The following PTN variants were observed in gnomAD, a reference collection of about 807,000 sequenced individuals.
PTN encodes heparin affin regulatory protein.
Under a neutral mutation model 24.1 loss-of-function variants are expected in PTN, and 18 were observed. The observed-to-expected ratio is 0.75, with a 90% CI of 0.52 to 1.11. PTN has a LOEUF of 1.11. PTN is among the 50% of genes least tolerant of loss of function. The probability of loss-of-function intolerance (pLI) is 0.00; values close to 1 mark genes in which losing one functional copy is unlikely to be tolerated. For synonymous variants in PTN, 78 were observed against 68.6 expected (o/e 1.14, Z -0.67); for missense variants, 163 against 198.8 (o/e 0.82, Z 1.08).
At chr7:137,248,042 G>C (rs1379582088) in intron 4 of PTN, among the ~76,000 whole-genome samples, 1 of 152,054 alleles carries the variant, frequency 6.6e-6, no homozygotes, top group Admixed American at 6.6e-5. Flanking sequence ...GGATATATGG[G>C]ACTTTATAAG....
intron 1 of PTN, among the ~76,000 whole-genome samples, chr7:137,261,158 T>C (rs558118651): frequency 5.3e-5 from 8 of 152,280 alleles, no homozygotes; most frequent in African/African-American, 1.7e-4. Flanking sequence ...TCTTTTTATC[T>C]TTATTGAAGC....
intron 1 of PTN, among the ~76,000 whole-genome samples, chr7:137,300,715 C>G (rs1322179085): frequency 6.6e-6 from 1 of 151,922 alleles, no homozygotes; most frequent in African/African-American, 2.4e-5. Flanking sequence ...CACACTCCCC[C>G]AGTAACAACA....
At chr7:137,341,851 T>G (rs1320654757) in intron 1 of PTN, among the ~76,000 whole-genome samples, 1 of 151,862 alleles carries the variant, frequency 6.6e-6, no homozygotes, top group Non-Finnish European at 1.5e-5. Context: ...GGCATTAGAG[T>G]TTTTTTTAAA....
chr7:137,290,647 T>G (rs1809625183), intron 1 of PTN, among the ~76,000 whole-genome samples: 2 of 152,132 alleles, frequency 1.3e-5, no homozygotes, highest in Non-Finnish European at 2.9e-5. Context: ...TTATCTCTTC[T>G]TATAGTGCAA....
chr7:137,235,072 C>T (rs1563194112), intron 4 of PTN, among the ~76,000 whole-genome samples: 1 of 151,988 alleles, frequency 6.6e-6, no homozygotes, highest in Non-Finnish European at 1.5e-5. Context: ...TGGAGGCATA[C>T]CATCAAGACC....
chr7:137,246,640 A>G (rs890399613), intron 4 of PTN, among the ~76,000 whole-genome samples: 9 of 152,210 alleles, frequency 5.9e-5, no homozygotes, highest in Non-Finnish European at 2.9e-5. Context: ...CGGAATGGAC[A>G]TGCATAAGTC....
At chr7:137,297,376 G>A (rs1410754732) in intron 1 of PTN, among the ~76,000 whole-genome samples, 1 of 152,078 alleles carries the variant, frequency 6.6e-6, no homozygotes, top group Non-Finnish European at 1.5e-5. Flanking sequence ...CAGCAGCACT[G>A]GAAGATGAGT....
At chr7:137,239,374 T>TTTCA (rs1808580164) in intron 4 of PTN, among the ~76,000 whole-genome samples, 1 of 147,760 alleles carries the variant, frequency 6.8e-6, no homozygotes, top group Non-Finnish European at 1.5e-5. Flanking sequence ...TAATTTTCTT[T>TTTCA]TTTATTTATT....
At chr7:137,336,061 A>G (rs1810443572) in intron 1 of PTN, among the ~76,000 whole-genome samples, 1 of 152,034 alleles carries the variant, frequency 6.6e-6, no homozygotes. Flanking sequence ...TGAGAAAATG[A>G]CAATGACAAT....
chr7:137,284,207 C>T (rs1426236794), intron 1 of PTN, among the ~76,000 whole-genome samples: 2 of 151,624 alleles, frequency 1.3e-5, no homozygotes, highest in African/African-American at 4.8e-5. Flanking sequence ...CCGCCCGCCT[C>T]GGCCTCCCAA....
chr7:137,255,823 G>A (rs572487255), intron 1 of PTN, among the ~76,000 whole-genome samples: 1 of 152,174 alleles, frequency 6.6e-6, no homozygotes, highest in Non-Finnish European at 1.5e-5. Context: ...TTCAGTCCAA[G>A]CTCCAGGACG....
intron 1 of PTN, among the ~76,000 whole-genome samples, chr7:137,280,691 T>TAACAAAAAAAAAAAAAAAAAAAA (rs760779128): frequency 1.1e-3 from 16 of 14,750 alleles, no homozygotes; most frequent in African/African-American, 2.0e-3. Flanking sequence ...CCGTCTCTAC[T>TAACAAAAAAAAAAAAAAAAAAAA]AAAAATACAA....
intron 1 of PTN, among the ~76,000 whole-genome samples, chr7:137,339,607 T>TCAC (rs1810503480): frequency 6.9e-6 from 1 of 144,096 alleles, no homozygotes; most frequent in Non-Finnish European, 1.5e-5. Flanking sequence ...TGCCATTGAA[T>TCAC]CAGTAGAGAG....
intron 1 of PTN, among the ~76,000 whole-genome samples, chr7:137,300,503 T>A (rs1394093051): frequency 6.6e-6 from 1 of 151,850 alleles, no homozygotes; most frequent in African/African-American, 2.4e-5. Context: ...TGGGGCATTG[T>A]GGAAAGAGAC....
intron 1 of PTN, among the ~76,000 whole-genome samples, chr7:137,327,645 A>T (rs1810284689): frequency 1.3e-5 from 2 of 152,184 alleles, no homozygotes; most frequent in South Asian, 4.1e-4. Context: ...GAAAAAGAAA[A>T]GAAAATCCTA....
rs1808374621 is a variant in PTN at position 137,228,580 on chromosome 7, G to GTT, written c.452-506_452-505insAA. Among the ~76,000 whole-genome samples the GTT allele has an allele frequency of 2.0e-5, 3 of 151,636 alleles. No individual in the cohort carries two copies. The Admixed American group carries it at 2.0e-4, about 10-fold the overall frequency. On this transcript the variant is annotated intron_variant, in intron 4 of 4. Coordinates refer to ENST00000348225, the MANE Select transcript of PTN (RefSeq NM_002825.7). The stretch of plus-strand genomic sequence containing the variant: ...TGCAAAGTGGTTCCACTCCAGGTCG[G>GTT]CCCTCTGCTTATATATTTGGCCAGC...
chr7:137,254,570 T>C (rs1345732356), intron 2 of PTN, among the ~76,000 whole-genome samples: 2 of 151,416 alleles, frequency 1.3e-5, no homozygotes, highest in East Asian at 2.0e-4. Context: ...GAGAGGTAAA[T>C]AATAAAGCAC....
intron 1 of PTN, among the ~76,000 whole-genome samples, chr7:137,298,947 G>A (rs1175917854): frequency 6.6e-6 from 1 of 151,928 alleles, no homozygotes; most frequent in Non-Finnish European, 1.5e-5. Context: ...AAGACTTGGT[G>A]AGCTTTGGAG....
intron 1 of PTN, among the ~76,000 whole-genome samples, chr7:137,280,444 T>G (rs1096912): frequency 0.9 from 136,558 of 151,386 alleles, 62,969 homozygotes; most frequent in East Asian, 1. Context: ...AGACATAGAG[T>G]AAGGACTGAA....
Sources: allele counts gnomAD v4.1 joint callset (sites outside exome capture counted in the v4.1 genomes callset), GRCh38; gene constraint gnomAD v4.1.1; transcripts MANE v1.5; gene names NCBI Gene and HGNC (gene_info 2026-07-23, HGNC 2026-07-21).